MAP7D2: variants seen among roughly 807,000 people sequenced by gnomAD.
MAP7D2 encodes MAP7 domain-containing protein 2.
Under a neutral mutation model 63.5 loss-of-function variants are expected in MAP7D2, and 33 were observed. The ratio of observed to expected loss-of-function variants is 0.52; its 90% confidence interval spans 0.39 to 0.70. MAP7D2 has a LOEUF of 0.70. MAP7D2 is among the 30% of genes least tolerant of loss of function. The pLI is 0.00. For synonymous variants in MAP7D2, 224 were observed against 223.7 expected, an observed-to-expected ratio of 1.00 and a Z score of -0.01; for missense variants, 626 against 604.0, an observed-to-expected ratio of 1.04 and a Z score of -0.38.
intron 1 of MAP7D2, among the ~76,000 whole-genome samples, chrX:20,083,588 C>A (rs745457421): frequency 8.9e-6 from 1 of 112,550 alleles, no homozygotes; most frequent in African/African-American, 3.2e-5. Flanking sequence ...CACATCACAG[C>A]AATCGGGTTT....
chrX:20,053,553 C>A (rs1261936978), intron 4 of MAP7D2, among the ~76,000 whole-genome samples: 1 of 111,428 alleles, frequency 9.0e-6, no homozygotes, highest in Non-Finnish European at 1.9e-5. Flanking sequence ...TCAAAATGGT[C>A]CTTTTGCAAA....
intron 1 of MAP7D2, among the ~76,000 whole-genome samples, chrX:20,112,333 T>C (rs371940850): frequency 8.9e-6 from 1 of 112,032 alleles, no homozygotes; most frequent in East Asian, 2.8e-4. Flanking sequence ...TTTGCATGCA[T>C]GCGGCTCACT....
intron 1 of MAP7D2, among the ~76,000 whole-genome samples, chrX:20,077,885 C>G (rs922419599): frequency 1.8e-5 from 2 of 112,474 alleles, no homozygotes; most frequent in African/African-American, 6.5e-5. Flanking sequence ...TTACCAATCA[C>G]TGTTTGTTTG....
chrX:20,034,562 C>G (rs905339676), intron 8 of MAP7D2, among the ~76,000 whole-genome samples: 2 of 111,375 alleles, frequency 1.8e-5, no homozygotes, highest in African/African-American at 6.5e-5. Context: ...GTGATTAGGT[C>G]ATGAAGGTGG....
chrX:20,091,407 C>G (rs888943379), intron 1 of MAP7D2, among the ~76,000 whole-genome samples: 4 of 108,183 alleles, frequency 3.7e-5, no homozygotes, highest in Non-Finnish European at 1.9e-5. Context: ...TGGTGGCTCA[C>G]GCCTGTAATC....
At chrX:20,038,665 A>AACATTAC (rs2064563783) in intron 8 of MAP7D2, among the ~76,000 whole-genome samples, 3 of 111,236 alleles carry the variant, frequency 2.7e-5, no homozygotes, top group South Asian at 7.6e-4. Context: ...CTGTTCCCGC[A>AACATTAC]ACATTACGTT....
At chrX:20,111,672 T>G (rs2066747836) in intron 1 of MAP7D2, among the ~76,000 whole-genome samples, 1 of 111,609 alleles carries the variant, frequency 9.0e-6, no homozygotes, top group Non-Finnish European at 1.9e-5. Flanking sequence ...TTGATTGTGG[T>G]GATGGCTGCA....
chrX:20,086,486 G>C (rs1291537933), intron 1 of MAP7D2, among the ~76,000 whole-genome samples: 1 of 112,280 alleles, frequency 8.9e-6, no homozygotes, highest in Non-Finnish European at 1.9e-5. Flanking sequence ...ATGGAGGTGG[G>C]GAGGAGAGAG....
intron 8 of MAP7D2, among the ~76,000 whole-genome samples, chrX:20,036,306 G>A (rs55643462): frequency 0.022 from 2,422 of 109,947 alleles, 79 homozygotes; most frequent in African/African-American, 0.077. Context: ...GAAGTGGCGC[G>A]ATCTCAGCTC....
At chrX:20,076,470 C>T (rs2065644879) in intron 1 of MAP7D2, among the ~76,000 whole-genome samples, 1 of 111,561 alleles carries the variant, frequency 9.0e-6, no homozygotes, top group Non-Finnish European at 1.9e-5. Flanking sequence ...CTTTGGGAGG[C>T]TGAGGCGGGT....
At chrX:20,111,001 C>T (rs1413288203) in intron 1 of MAP7D2, among the ~76,000 whole-genome samples, 2 of 111,715 alleles carry the variant, frequency 1.8e-5, no homozygotes, top group Admixed American at 9.6e-5. Flanking sequence ...CTTCTATGTG[C>T]AGGCCTTAAG....
chrX:20,042,161 G>T (rs188854028), intron 8 of MAP7D2, among the ~76,000 whole-genome samples: 2 of 111,600 alleles, frequency 1.8e-5, no homozygotes, highest in Non-Finnish European at 3.8e-5. Context: ...ATGTCAGGAG[G>T]AGCCCAAGCC....
rs1357364353 is a variant in MAP7D2, at chrX:20,007,726, T to G, written c.*699A>C. On this transcript the variant is annotated 3_prime_UTR_variant, in exon 17 of 17. Coordinates refer to ENST00000379643, the MANE Select transcript of MAP7D2 (RefSeq NM_001168465.2). ...GTGACACGAAAGAGTCCTTGCTAGATTCAGTTGCCCATGTATACACGAATA... is the reference window on the plus strand; with the variant it reads ...GTGACACGAAAGAGTCCTTGCTAGAGTCAGTTGCCCATGTATACACGAATA... 8.9e-6 allele frequency: 1 copy of G among 111,987 alleles called. No individual in the cohort carries two copies. 9.2% of individuals were successfully genotyped at this position (111,987 alleles called of 1,213,427 possible).
chrX:20,110,350 G>T (rs751075575), intron 1 of MAP7D2, among the ~76,000 whole-genome samples: 1 of 109,468 alleles, frequency 9.1e-6, no homozygotes, highest in Non-Finnish European at 1.9e-5. Context: ...TTAGCCGAGC[G>T]TGCTAGTGCA....
At chrX:20,107,509 T>G (rs2066603203) in intron 1 of MAP7D2, among the ~76,000 whole-genome samples, 1 of 111,136 alleles carries the variant, frequency 9.0e-6, no homozygotes, top group Non-Finnish European at 1.9e-5. Context: ...AGGTAGAGGT[T>G]GCAGTGAGCC....
intron 1 of MAP7D2, among the ~76,000 whole-genome samples, chrX:20,108,726 A>G (rs1256713695): frequency 9.1e-6 from 1 of 110,177 alleles, no homozygotes; most frequent in East Asian, 2.8e-4. Context: ...TTTACAAAAA[A>G]AAAAAAACAA....
chrX:20,087,879 CTTTTTTTTTTTTTTTTTTTT>C (rs539620594), intron 1 of MAP7D2, among the ~76,000 whole-genome samples: 1 of 52,852 alleles, frequency 1.9e-5, no homozygotes, highest in African/African-American at 8.7e-5. Flanking sequence ...AATTTCTTTT[CTTTTTTTTTTTTTTTTTTTT>C]TTTTTTTTTG....
chrX:20,042,519 A>G lies in MAP7D2; in HGVS notation c.990T>C (p.Ser330=), dbSNP rs772188102. ...ATGCTTACTTGGATATCACAGGAGA[A>G]GATGGTCTCTTAGGAATGCCTCCAG... ...EFSGGIPKRP[S]SPVISKTATK... Residue 330 remains serine, a synonymous_variant, in exon 8 of 17, where the codon TCT becomes TCC. Transcript: ENST00000379643. 8.3e-7 allele frequency: 1 copy of G among 1,211,527 alleles called. No homozygotes were observed. The highest frequency in any genetic ancestry group is 1.1e-6 in the Non-Finnish European group (1 of 895,211).
intron 10 of MAP7D2, 141 bp from the exon 11 acceptor site, chrX:20,016,466 G>T: frequency 1.8e-6 from 1 of 559,056 alleles, no homozygotes; most frequent in Non-Finnish European, 2.9e-6. Flanking sequence ...TTAATAACAT[G>T]ATTCATCCTT....
Sources: gnomAD v4.1 joint callset for allele counts (sites outside exome capture counted in the v4.1 genomes callset) on GRCh38, gnomAD v4.1.1 for gene constraint, MANE v1.5 for transcripts, NCBI Gene and HGNC (gene_info 2026-07-23, HGNC 2026-07-21) for gene names.